NKAIN3: variants seen among roughly 807,000 people sequenced by gnomAD.
The protein encoded by NKAIN3 is sodium/potassium transporting ATPase interacting 3, also known as sodium/potassium-transporting ATPase subunit beta-1-interacting protein 3.
Under a neutral mutation model 30.2 loss-of-function variants are expected in NKAIN3, and 25 were observed. The ratio of observed to expected loss-of-function variants is 0.83; its 90% CI spans 0.60 to 1.16. The LOEUF is 1.16. Ranked by LOEUF, NKAIN3 falls within the 50% of genes most tolerant of loss-of-function variation. NKAIN3 has a pLI of 0.00. For missense variants in NKAIN3, 225 were observed against 254.1 expected (o/e 0.89, Z 0.78); for synonymous variants, 91 against 89.6 (o/e 1.02, Z -0.09).
At chr8:62,985,070 C>T (rs1824175657), downstream of NKAIN3, among the ~76,000 whole-genome samples, 1 of 152,176 alleles carries the variant, frequency 6.6e-6, no homozygotes. Context: ...TATAGGAAAC[C>T]TGGTCCCTCC....
intron 3 of NKAIN3, among the ~76,000 whole-genome samples, chr8:62,623,737 T>C: frequency 6.6e-6 from 1 of 152,038 alleles, no homozygotes; most frequent in East Asian, 1.9e-4. Context: ...TGAAGGATAA[T>C]TTTGTTACCA....
chr8:62,631,122 G>T (rs781512436), intron 3 of NKAIN3, among the ~76,000 whole-genome samples: 1 of 152,004 alleles, frequency 6.6e-6, no homozygotes, highest in East Asian at 1.9e-4. Context: ...ACACCTCTCC[G>T]CTGTCAGGTT....
chr8:62,410,067 A>G (rs62509250), intron 1 of NKAIN3, among the ~76,000 whole-genome samples: 21,055 of 152,070 alleles, frequency 0.14, 1,766 homozygotes, highest in East Asian at 0.41. Context: ...TGAGCATAGT[A>G]CCCAATAGGT....
At chr8:62,612,695 C>T (rs1811333494) in intron 3 of NKAIN3, among the ~76,000 whole-genome samples, 3 of 151,718 alleles carry the variant, frequency 2.0e-5, no homozygotes, top group Admixed American at 2.0e-4. Flanking sequence ...TCTTTCTTTT[C>T]TTCTTGTCTT....
At chr8:62,898,102 T>A (rs1483741322) in intron 4 of NKAIN3, among the ~76,000 whole-genome samples, 1 of 152,094 alleles carries the variant, frequency 6.6e-6, no homozygotes, top group Non-Finnish European at 1.5e-5. Flanking sequence ...CCAAAAATAA[T>A]GAATCTCCTG....
chr8:62,914,146 T>C (rs772219721), intron 4 of NKAIN3, among the ~76,000 whole-genome samples: 1 of 152,204 alleles, frequency 6.6e-6, no homozygotes, highest in South Asian at 2.1e-4. Flanking sequence ...ATATACTCCA[T>C]GGAATACTAT....
chr8:62,956,854 C>T (rs534326557), intron 6 of NKAIN3, among the ~76,000 whole-genome samples: 1 of 152,282 alleles, frequency 6.6e-6, no homozygotes, highest in East Asian at 1.9e-4. Flanking sequence ...AGATGCAAAA[C>T]AATATTTATC....
Position 62,946,254 on chromosome 8 carries a change from G to A in NKAIN3, c.533-7648G>A, listed in dbSNP as rs186289770. On this transcript the variant is annotated intron_variant, in intron 5 of 6. Coordinates refer to ENST00000623646, the MANE Select transcript of NKAIN3 (RefSeq NM_001304533.3). ...GGGTAGCACAGCCCCAACCACCCCC[G>A]GGACATAAGCAACGGTTTAAGGCAC... is the stretch of plus-strand genomic sequence containing the variant. Among the ~76,000 whole-genome samples the A allele has an allele frequency of 2.5e-3, 383 of 152,224 alleles. 3 individuals are homozygous for A. Among genetic ancestry groups the A allele is most frequent in the African/African-American group, 8.7e-3 (363 of 41,556 alleles).
intron 1 of NKAIN3, among the ~76,000 whole-genome samples, chr8:62,452,493 TAAATAAAC>T (rs955804318): frequency 6.6e-6 from 1 of 151,858 alleles, no homozygotes; most frequent in Non-Finnish European, 1.5e-5. Context: ...AATAAATAAA[TAAATAAAC>T]AAACAAACAA....
chr8:62,597,029 G>A (rs888069408), intron 3 of NKAIN3, among the ~76,000 whole-genome samples: 35 of 152,000 alleles, frequency 2.3e-4, no homozygotes, highest in African/African-American at 8.4e-4. Context: ...TCTCTTCCCT[G>A]TATTATTTTA....
intron 3 of NKAIN3, among the ~76,000 whole-genome samples, chr8:62,651,652 C>T (rs138676717): frequency 6.6e-6 from 1 of 152,208 alleles, no homozygotes; most frequent in African/African-American, 2.4e-5. Context: ...ATGGTTTGGA[C>T]ATGTGTCCCT....
intron 3 of NKAIN3, among the ~76,000 whole-genome samples, chr8:62,735,434 G>A (rs1367315435): frequency 1.4e-5 from 2 of 139,718 alleles, no homozygotes; most frequent in African/African-American, 2.7e-5. Context: ...CAATTCTATT[G>A]CTGAGACTCT....
chr8:62,863,107 T>A, intron 4 of NKAIN3: 1 of 1,316,396 alleles, frequency 7.6e-7, no homozygotes, highest in Non-Finnish European at 1.1e-6. Context: ...GTATTCCCCA[T>A]CCTGCTCATT....
At chr8:62,395,263 C>T (rs900350671) in intron 1 of NKAIN3, among the ~76,000 whole-genome samples, 7 of 147,372 alleles carry the variant, frequency 4.7e-5, no homozygotes, top group Middle Eastern at 3.8e-3. Context: ...GCGCTCCTCA[C>T]TTCCCAGACA....
At chr8:62,642,278 G>C (rs1002473551) in intron 3 of NKAIN3, among the ~76,000 whole-genome samples, 1 of 152,028 alleles carries the variant, frequency 6.6e-6, no homozygotes, top group Non-Finnish European at 1.5e-5. Context: ...AACTGTCATC[G>C]AAACCTCAGT....
rs73685512 is a variant in NKAIN3, at chr8:62,730,259, C to G, written c.274-16673C>G. Among the ~76,000 whole-genome samples, 1,497 of 152,150 alleles carry G rather than the reference C, an allele frequency of 9.8e-3. 24 individuals carry two copies. Among genetic ancestry groups the G allele is most frequent in the African/African-American group, 0.034 (1,417 of 41,526 alleles). ...TGTTATATTTATATTCTGAATTGCT[C>G]TACTAGAATTTAGCTCCACTAGAGC... On this transcript the variant is annotated intron_variant, in intron 3 of 6. Transcript: ENST00000623646.
At chr8:62,750,206 A>G (rs890453827) in intron 4 of NKAIN3, among the ~76,000 whole-genome samples, 2 of 151,888 alleles carry the variant, frequency 1.3e-5, no homozygotes, top group African/African-American at 4.8e-5. Flanking sequence ...GGAGGCATAG[A>G]AATATCTAGA....
At chr8:62,730,166 T>A (rs541675856) in intron 3 of NKAIN3, among the ~76,000 whole-genome samples, 35 of 152,286 alleles carry the variant, frequency 2.3e-4, no homozygotes, top group Non-Finnish European at 4.1e-4. Flanking sequence ...TTACATGTAC[T>A]TCTAATATCC....
intron 1 of NKAIN3, among the ~76,000 whole-genome samples, chr8:62,381,325 T>C (rs1817268153): frequency 6.6e-6 from 1 of 152,260 alleles, no homozygotes; most frequent in Non-Finnish European, 1.5e-5. Flanking sequence ...TTTTTATCCT[T>C]TCAATCAAAT....
Sources: allele counts gnomAD v4.1 joint callset (sites outside exome capture counted in the v4.1 genomes callset), GRCh38; gene constraint gnomAD v4.1.1; transcripts MANE v1.5; gene names NCBI Gene and HGNC (gene_info 2026-07-23, HGNC 2026-07-21).